TTC27: variants seen among roughly 807,000 people sequenced by gnomAD.
The protein encoded by TTC27 is tetratricopeptide repeat protein 27.
In TTC27, 79 loss-of-function variants were observed where a neutral mutation model predicts 115.9. The observed-to-expected ratio is 0.68, with a 90% CI of 0.57 to 0.82. The LOEUF (loss-of-function observed/expected upper bound fraction) is 0.82. TTC27 is among the 40% of genes least tolerant of loss of function. TTC27 has a pLI of 0.00. For synonymous variants in TTC27, 401 were observed against 356.0 expected (o/e 1.13, Z -1.42); for missense variants, 1,054 against 993.1 (o/e 1.06, Z -0.82).
intron 13 of TTC27, among the ~76,000 whole-genome samples, chr2:32,770,175 A>G (rs1006821904): frequency 1.3e-5 from 2 of 152,238 alleles, no homozygotes; most frequent in African/African-American, 4.8e-5. Context: ...TTATTCAGTT[A>G]TAATAATGAG....
At chr2:32,643,586 C>T (rs530472895) in intron 4 of TTC27, among the ~76,000 whole-genome samples, 26 of 152,034 alleles carry the variant, frequency 1.7e-4, no homozygotes, top group South Asian at 2.1e-4. Flanking sequence ...GGATTACAGG[C>T]GTGAGCCACT....
chr2:32,642,949 A>G (rs1559183748), intron 4 of TTC27, among the ~76,000 whole-genome samples: 1 of 152,052 alleles, frequency 6.6e-6, no homozygotes, highest in Non-Finnish European at 1.5e-5. Flanking sequence ...GATTATAGGC[A>G]TAAGCCACCA....
intron 5 of TTC27, among the ~76,000 whole-genome samples, chr2:32,656,985 CT>C (rs11386617): frequency 0.13 from 17,588 of 131,222 alleles, 873 homozygotes; most frequent in South Asian, 0.29. Flanking sequence ...TAGCACAATT[CT>C]TTTTTTTTTT....
chr2:32,761,961 C>T (rs1460247204), intron 13 of TTC27, among the ~76,000 whole-genome samples: 1 of 152,150 alleles, frequency 6.6e-6, no homozygotes, highest in Non-Finnish European at 1.5e-5. Context: ...CTGCACGTAG[C>T]ACTGAGCCAA....
At chr2:32,642,921 A>G (rs1254406336) in intron 4 of TTC27, among the ~76,000 whole-genome samples, 2 of 151,856 alleles carry the variant, frequency 1.3e-5, no homozygotes, top group African/African-American at 4.8e-5. Context: ...ACCTGCCTCC[A>G]TCTCCCCTAA....
intron 10 of TTC27, among the ~76,000 whole-genome samples, chr2:32,721,123 G>A (rs573908382): frequency 2.6e-5 from 4 of 152,188 alleles, no homozygotes; most frequent in African/African-American, 9.6e-5. Flanking sequence ...AATTACATTT[G>A]ATTTTATGCT....
At chr2:32,662,597 G>C (rs1208520937) in intron 5 of TTC27, among the ~76,000 whole-genome samples, 1 of 152,170 alleles carries the variant, frequency 6.6e-6, no homozygotes, top group East Asian at 1.9e-4. Context: ...TTGTATTTCT[G>C]TGGGATCAGT....
intron 4 of TTC27, among the ~76,000 whole-genome samples, chr2:32,649,171 A>G (rs978737715): frequency 3.3e-5 from 5 of 152,152 alleles, no homozygotes; most frequent in Admixed American, 3.3e-4. Context: ...TATGTGCCAC[A>G]CTAGCAGGAG....
intron 7 of TTC27, 108 bp from the exon 8 acceptor site, chr2:32,672,164 C>A: frequency 1.4e-6 from 1 of 723,712 alleles, no homozygotes; most frequent in Non-Finnish European, 2.3e-6. Flanking sequence ...GACCATATGT[C>A]AAACAGGTAA....
chr2:32,776,803 C>G (rs2148012090), intron 13 of TTC27, among the ~76,000 whole-genome samples: 1 of 152,144 alleles, frequency 6.6e-6, no homozygotes, highest in South Asian at 2.1e-4. Context: ...GAGACGGGGG[C>G]TTCACCATGT....
intron 12 of TTC27, among the ~76,000 whole-genome samples, chr2:32,745,492 A>G (rs975269932): frequency 6.6e-6 from 1 of 152,136 alleles, no homozygotes; most frequent in African/African-American, 2.4e-5. Context: ...GGTTTTCCTC[A>G]GGGAAGAGGA....
chr2:32,791,653 C>A (rs551138781), intron 16 of TTC27, among the ~76,000 whole-genome samples: 1 of 152,058 alleles, frequency 6.6e-6, no homozygotes, highest in African/African-American at 2.4e-5. Context: ...AGCACATTTT[C>A]CCATCATATT....
intron 2 of TTC27, among the ~76,000 whole-genome samples, chr2:32,633,626 A>G (rs1664299080): frequency 6.6e-6 from 1 of 151,874 alleles, no homozygotes; most frequent in Non-Finnish European, 1.5e-5. Context: ...CTGGTTTTGA[A>G]CTCCTGGGTT....
intron 9 of TTC27, among the ~76,000 whole-genome samples, chr2:32,695,291 T>G (rs7564044): frequency 0.83 from 125,805 of 152,044 alleles, 52,101 homozygotes; most frequent in Middle Eastern, 0.92. Flanking sequence ...TAAAATATTT[T>G]TTCTTTTGTA....
chr2:32,747,188 A>G (rs2151922222), intron 12 of TTC27, among the ~76,000 whole-genome samples: 1 of 152,276 alleles, frequency 6.6e-6, no homozygotes, highest in South Asian at 2.1e-4. Flanking sequence ...GAGTTGGTGG[A>G]GGAAATATAT....
intron 7 of TTC27, 93 bp downstream of exon 7, chr2:32,666,861 A>T: frequency 7.2e-7 from 1 of 1,390,110 alleles, no homozygotes; most frequent in Non-Finnish European, 9.7e-7. Context: ...TGGGTTGGGG[A>T]CAGACTTCAT....
intron 13 of TTC27, among the ~76,000 whole-genome samples, chr2:32,764,149 T>G (rs2148000236): frequency 6.6e-6 from 1 of 152,318 alleles, no homozygotes; most frequent in Admixed American, 6.5e-5. Context: ...CTCTTCTACC[T>G]TTTTAAAAAT....
Position 32,633,915 on chromosome 2 carries a change from A to G in TTC27, c.306A>G (p.Gln102=), listed in dbSNP as rs775145853. The part of the protein sequence containing the change: ...LIFLLGVSSL[Q]LFVQSNWTGP... Reference sequence around the variant, plus strand: ...TTCTACTTGGTGTGAGCAGTTTGCAACTTTTTGTTCAGAGCAACTGGACGG... The same window carrying G: ...TTCTACTTGGTGTGAGCAGTTTGCAGCTTTTTGTTCAGAGCAACTGGACGG... The change falls in exon 3 of 20, where the codon CAA becomes CAG. Residue 102 remains glutamine (Q), a synonymous_variant. Transcript: ENST00000317907. The G allele has an allele frequency of 1.2e-6, 2 of 1,613,866 alleles. No individual in the cohort carries two copies. Among genetic ancestry groups the G allele is most frequent in the Non-Finnish European group, 1.7e-6 (2 of 1,179,942 alleles).
intron 9 of TTC27, among the ~76,000 whole-genome samples, chr2:32,687,925 A>G (rs1323710917): frequency 6.6e-6 from 1 of 152,202 alleles, no homozygotes; most frequent in East Asian, 1.9e-4. Flanking sequence ...AAATACATAG[A>G]TAAATGGCAA....
Sources: gnomAD v4.1 joint callset for allele counts (sites outside exome capture counted in the v4.1 genomes callset) on GRCh38, gnomAD v4.1.1 for gene constraint, MANE v1.5 for transcripts, NCBI Gene and HGNC (gene_info 2026-07-23, HGNC 2026-07-21) for gene names.